The following NEBL variants were observed in gnomAD, a reference collection of about 807,000 sequenced individuals.
NEBL encodes nebulette, also known as LIM and SH3 protein 2.
A neutral mutation model predicts 140.2 loss-of-function variants in NEBL; 122 were observed. The ratio of observed to expected loss-of-function variants is 0.87; its 90% confidence interval spans 0.75 to 1.01. The LOEUF (loss-of-function observed/expected upper bound fraction) is 1.01, where lower values mean the gene tolerates loss of function less well. Ranked by LOEUF, NEBL falls within the 50% of genes least tolerant of loss-of-function variation. The pLI, the probability that NEBL is intolerant of heterozygous loss-of-function variation, is 0.00. For synonymous variants in NEBL, 436 were observed against 398.9 expected (o/e 1.09, Z -1.11); for missense variants, 1,365 against 1,231.3 (o/e 1.11, Z -1.62).
chr10:21,174,058 G>A (rs1841215091), exon 1 of NEBL: 2 of 1,091,296 alleles, frequency 1.8e-6, no homozygotes, highest in African/African-American at 1.8e-5. Context: ...GCTGGGTCTC[G>A]GCTCCGGCTC....
chr10:21,132,144 C>T (rs1463925485), intron 2 of NEBL, among the ~76,000 whole-genome samples: 1 of 152,150 alleles, frequency 6.6e-6, no homozygotes, highest in Non-Finnish European at 1.5e-5. Flanking sequence ...CCCATTATCC[C>T]TATTCTCCAA....
At chr10:21,077,177 T>C (rs1836136068) in intron 2 of NEBL, among the ~76,000 whole-genome samples, 1 of 152,186 alleles carries the variant, frequency 6.6e-6, no homozygotes, top group South Asian at 2.1e-4. Context: ...ATCTTGGTTT[T>C]TATTCTGAAC....
intron 4 of NEBL, among the ~76,000 whole-genome samples, chr10:20,924,628 G>A (rs539775029): frequency 3.3e-5 from 5 of 151,716 alleles, no homozygotes; most frequent in Non-Finnish European, 7.4e-5. Flanking sequence ...AAAGAATAGG[G>A]CCTCCTGGAA....
chr10:21,032,400 G>T (rs534054420), intron 2 of NEBL, among the ~76,000 whole-genome samples: 109 of 152,180 alleles, frequency 7.2e-4, no homozygotes, highest in Admixed American at 1.4e-3. Flanking sequence ...GGGATTTTGG[G>T]GTCTAAGATG....
At chr10:21,193,888 A>C (rs956335492) in intron 3 of NEBL, among the ~76,000 whole-genome samples, 3 of 152,192 alleles carry the variant, frequency 2.0e-5, no homozygotes, top group Admixed American at 2.0e-4. Flanking sequence ...ATTATTTTTA[A>C]ATGTTGCAAA....
At chr10:20,877,228 T>C (rs987607383) in intron 5 of NEBL, among the ~76,000 whole-genome samples, 3 of 152,180 alleles carry the variant, frequency 2.0e-5, no homozygotes, top group African/African-American at 7.2e-5. Context: ...ATTTAATACT[T>C]GTGAGAATCT....
At chr10:21,186,749 C>T (rs1490308343) in intron 3 of NEBL, among the ~76,000 whole-genome samples, 1 of 151,670 alleles carries the variant, frequency 6.6e-6, no homozygotes, top group Non-Finnish European at 1.5e-5. Context: ...TCCATTGTGG[C>T]CCAGGGAAGT....
At chr10:21,141,197 A>G (rs994608341) in intron 2 of NEBL, among the ~76,000 whole-genome samples, 1 of 152,210 alleles carries the variant, frequency 6.6e-6, no homozygotes, top group Admixed American at 6.5e-5. Context: ...TTTGCTAAAA[A>G]TGGCATTATT....
At chr10:20,862,606 T>A (rs1411635623) in intron 7 of NEBL, among the ~76,000 whole-genome samples, 1 of 152,182 alleles carries the variant, frequency 6.6e-6, no homozygotes, top group East Asian at 1.9e-4. Flanking sequence ...CAGGTTTGCA[T>A]CTTCTGAGAG....
intron 2 of NEBL, among the ~76,000 whole-genome samples, chr10:21,151,001 T>C (rs902445639): frequency 6.6e-6 from 1 of 152,106 alleles, no homozygotes; most frequent in African/African-American, 2.4e-5. Flanking sequence ...CTCAGAAATA[T>C]ACAGATTGTT....
intron 3 of NEBL, among the ~76,000 whole-genome samples, chr10:21,005,645 G>A (rs1057130542): frequency 6.6e-6 from 1 of 152,050 alleles, no homozygotes; most frequent in Non-Finnish European, 1.5e-5. Context: ...CAGGTGGGAG[G>A]ACCACTTGAG....
intron 4 of NEBL, among the ~76,000 whole-genome samples, chr10:20,935,370 T>C (rs1834424059): frequency 6.6e-6 from 1 of 152,212 alleles, no homozygotes; most frequent in East Asian, 1.9e-4. Context: ...GTGACGCTAA[T>C]ATCAAGTAAG....
chr10:21,257,447 T>C (rs1842672615), intron 1 of NEBL, among the ~76,000 whole-genome samples: 1 of 152,234 alleles, frequency 6.6e-6, no homozygotes, highest in African/African-American at 2.4e-5. Context: ...CTGAGGATTA[T>C]GTTTTAATAT....
chr10:20,891,596 G>A (rs45544535), intron 2 of NEBL, among the ~76,000 whole-genome samples: 78 of 152,280 alleles, frequency 5.1e-4, no homozygotes, highest in Non-Finnish European at 1.0e-3. Context: ...CATGCAGAAC[G>A]TTCAGGACAG....
At position 20,780,399 on chromosome 10, in the gene NEBL, G is replaced by T. The variant is rs993806215; in HGVS notation, c.*5348C>A. ...CGGTACTTTGATATAAAATCAGAAA[G>T]ATACTGAGCTTGGAGAAGCATAATA... On this transcript the variant is annotated 3_prime_UTR_variant, in exon 28 of 28. Coordinates refer to ENST00000377122, the MANE Select transcript of NEBL (RefSeq NM_006393.3). The T allele has an allele frequency of 7.9e-5, 12 of 152,170 alleles. No individual in the cohort carries two copies. Among genetic ancestry groups the T allele is most frequent in the African/African-American group, 2.9e-4 (12 of 41,442 alleles). 9.4% of individuals were successfully genotyped at this position (152,170 alleles called of 1,614,324 possible).
intron 10 of NEBL, among the ~76,000 whole-genome samples, 195 bp downstream of exon 10, chr10:20,852,350 T>G (rs1842625423): frequency 1.3e-5 from 2 of 152,126 alleles, no homozygotes; most frequent in South Asian, 4.2e-4. Context: ...GAAATATGGT[T>G]CAAGCTCCCC....
At chr10:21,271,388 C>T (rs534549047) in intron 1 of NEBL, among the ~76,000 whole-genome samples, 3 of 152,002 alleles carry the variant, frequency 2.0e-5, no homozygotes, top group South Asian at 2.1e-4. Flanking sequence ...GGAGGGCAGA[C>T]GAAATAAAGA....
intron 10 of NEBL, 30 bp downstream of exon 10, chr10:20,852,515 A>T: frequency 2.7e-6 from 4 of 1,508,266 alleles, no homozygotes; most frequent in Non-Finnish European, 3.7e-6. Flanking sequence ...GCTGGCAGGG[A>T]GGGTAGGTAC....
At chr10:20,842,761 T>G (rs1366584689) in intron 12 of NEBL, among the ~76,000 whole-genome samples, 1 of 152,002 alleles carries the variant, frequency 6.6e-6, no homozygotes, top group Non-Finnish European at 1.5e-5. Context: ...CTCTTAGCAA[T>G]TTTGAAGTGC....
Sources: allele counts gnomAD v4.1 joint callset (sites outside exome capture counted in the v4.1 genomes callset), GRCh38; gene constraint gnomAD v4.1.1; transcripts MANE v1.5; gene names NCBI Gene and HGNC (gene_info 2026-07-23, HGNC 2026-07-21).